CMIP: variants seen among roughly 807,000 people sequenced by gnomAD.
CMIP encodes the protein c-Maf inducing protein.
Under a neutral mutation model 97.3 loss-of-function variants are expected in CMIP, and 13 were observed. The observed-to-expected ratio is 0.13, with a 90% CI of 0.09 to 0.21. The LOEUF (loss-of-function observed/expected upper bound fraction) is 0.21, where lower values mean the gene tolerates loss of function less well. Ranked by LOEUF, CMIP falls within the 10% of genes least tolerant of loss-of-function variation. The pLI is 1.00. For missense variants in CMIP, 847 were observed against 1,024.9 expected, an observed-to-expected ratio of 0.83 and a Z score of 2.37; for synonymous variants, 538 against 436.3, an observed-to-expected ratio of 1.23 and a Z score of -2.91.
chr16:81,692,045 C>T (rs763073775), intron 11 of CMIP, among the ~76,000 whole-genome samples: 1 of 152,144 alleles, frequency 6.6e-6, no homozygotes, highest in Non-Finnish European at 1.5e-5. Flanking sequence ...ATGGGGAACT[C>T]AGGAGAACAG....
intron 3 of CMIP, among the ~76,000 whole-genome samples, chr16:81,642,269 G>T (rs2092315260): frequency 6.6e-6 from 1 of 152,192 alleles, no homozygotes; most frequent in Admixed American, 6.5e-5. Context: ...GACTGGGAGT[G>T]TGCAGGGGCT....
chr16:81,491,276 G>A (rs1007046502), intron 1 of CMIP, among the ~76,000 whole-genome samples: 1 of 152,190 alleles, frequency 6.6e-6, no homozygotes, highest in Non-Finnish European at 1.5e-5. Context: ...GACAGGGCTG[G>A]GCCAGCCCTT....
intron 1 of CMIP, among the ~76,000 whole-genome samples, chr16:81,567,821 G>A (rs915543493): frequency 1.3e-5 from 2 of 152,144 alleles, no homozygotes; most frequent in African/African-American, 4.8e-5. Context: ...TGTTTATTCT[G>A]TTCACTGCTG....
chr16:81,591,542 A>C (rs1403276211), intron 1 of CMIP, among the ~76,000 whole-genome samples: 1 of 152,198 alleles, frequency 6.6e-6, no homozygotes, highest in Admixed American at 6.5e-5. Context: ...TGAAGCTCTC[A>C]GACATCATAC....
rs770486688 is a variant in CMIP, at chr16:81,701,807, C to A, written c.1896+7C>A. The A allele has an allele frequency of 1.9e-6, 3 of 1,613,036 alleles. No homozygotes were observed. The highest frequency in any genetic ancestry group is 1.7e-5 in the Admixed American group (1 of 60,032). ...GCGGGAGCTGAAGGAGCTGGTGAGT[C>A]CCCGGCTGCTCCGGACCACTCCCCT... On this transcript the variant is annotated splice_region_variant and intron_variant, in intron 16 of 20. Coordinates refer to ENST00000537098, the MANE Select transcript of CMIP (RefSeq NM_198390.3).
chr16:81,673,572 G>T (rs1268224135), intron 9 of CMIP, among the ~76,000 whole-genome samples: 1 of 152,178 alleles, frequency 6.6e-6, no homozygotes. Flanking sequence ...ACTTCAGGCA[G>T]CTGGCATGCA....
At chr16:81,451,737 G>T (rs1906227521) in intron 1 of CMIP, among the ~76,000 whole-genome samples, 1 of 152,198 alleles carries the variant, frequency 6.6e-6, no homozygotes, top group Non-Finnish European at 1.5e-5. Context: ...TGACAAGGAT[G>T]CGCTGACTTC....
intron 1 of CMIP, 148 bp from the exon 2 acceptor site, chr16:81,607,419 G>A (rs1190154359): frequency 8.1e-6 from 8 of 988,228 alleles, no homozygotes; most frequent in Admixed American, 4.4e-5. Flanking sequence ...AGGGAGGCTT[G>A]CTTTGGTCAC....
chr16:81,579,419 G>C (rs542525685), intron 1 of CMIP, among the ~76,000 whole-genome samples: 1 of 152,148 alleles, frequency 6.6e-6, no homozygotes, highest in Non-Finnish European at 1.5e-5. Context: ...TCCAGACCTC[G>C]GAAGCCAGTT....
intron 10 of CMIP, among the ~76,000 whole-genome samples, chr16:81,686,635 C>G (rs905065213): frequency 6.6e-6 from 1 of 152,182 alleles, no homozygotes; most frequent in Non-Finnish European, 1.5e-5. Flanking sequence ...CGGAGCCTTT[C>G]CTCAGAAGCT....
At chr16:81,653,347 G>A (rs924007873) in intron 4 of CMIP, among the ~76,000 whole-genome samples, 4 of 152,154 alleles carry the variant, frequency 2.6e-5, no homozygotes, top group Admixed American at 1.3e-4. Flanking sequence ...CCCGTGGGAC[G>A]GGGCCTGGCA....
At chr16:81,617,625 C>G (rs1214878034) in intron 2 of CMIP, 1 of 152,402 alleles carries the variant, frequency 6.6e-6, no homozygotes, top group Non-Finnish European at 1.5e-5. Flanking sequence ...TGGTCATTCT[C>G]TACCACCTGT....
chr16:81,452,524 GT>G (rs1906281184), intron 1 of CMIP, among the ~76,000 whole-genome samples: 6 of 152,134 alleles, frequency 3.9e-5, no homozygotes, highest in Admixed American at 3.9e-4. Context: ...GACAGGGATC[GT>G]GGAGAAAAGC....
chr16:81,543,549 G>A (rs977795817), intron 1 of CMIP, among the ~76,000 whole-genome samples: 4 of 152,100 alleles, frequency 2.6e-5, no homozygotes, highest in Admixed American at 6.5e-5. Flanking sequence ...GGTCGTGGGG[G>A]TAAGATCTGA....
At position 81,655,643 on chromosome 16, in the gene CMIP, G is replaced by A. The variant is rs145748489; in HGVS notation, c.640-2132G>A. On this transcript the variant is annotated intron_variant, in intron 4 of 20. Transcript: ENST00000537098. The surrounding 1 kb of genome is among the most constrained non-coding windows in gnomAD (Gnocchi z 4.9). ...CGCCAAAGCCTTCCTGGAAAGGTGC[G>A]TGGGTGGCGGCGAGGGATGGATGTG... 3.6e-4 allele frequency among the ~76,000 whole-genome samples: 55 copies of A among 152,338 alleles called. No individual in the cohort carries two copies. Among genetic ancestry groups the A allele is most frequent in the African/African-American group, 1.2e-3 (50 of 41,580 alleles).
At chr16:81,523,320 T>C (rs1450816484) in intron 1 of CMIP, among the ~76,000 whole-genome samples, 4 of 152,208 alleles carry the variant, frequency 2.6e-5, no homozygotes, top group African/African-American at 9.6e-5. Context: ...GAATATCTAG[T>C]TCATTTCTTT....
chr16:81,493,363 TTACCTGTC>T (rs2089435615), intron 1 of CMIP, among the ~76,000 whole-genome samples: 1 of 150,242 alleles, frequency 6.7e-6, no homozygotes, highest in Non-Finnish European at 1.5e-5. Context: ...TTACCTGTCG[TTACCTGTC>T]GTTACCTGTC....
chr16:81,508,844 C>T (rs1353857490), intron 1 of CMIP, among the ~76,000 whole-genome samples: 1 of 152,174 alleles, frequency 6.6e-6, no homozygotes, highest in East Asian at 1.9e-4. Flanking sequence ...CTCAGGGCCC[C>T]TTCTGATGTA....
chr16:81,458,527 C>G (rs1597447420), intron 1 of CMIP, among the ~76,000 whole-genome samples: 1 of 152,156 alleles, frequency 6.6e-6, no homozygotes, highest in African/African-American at 2.4e-5. Context: ...GTAGGGCCCT[C>G]CCTGCTCAGC....
Sources: allele counts gnomAD v4.1 joint callset (sites outside exome capture counted in the v4.1 genomes callset), GRCh38; gene constraint gnomAD v4.1.1; non-coding constraint Gnocchi (gnomAD v3.1); transcripts MANE v1.5; gene names NCBI Gene and HGNC (gene_info 2026-07-23, HGNC 2026-07-21).